Variants in RBFOX1 observed in about 807,000 individuals in gnomAD.
The protein encoded by RBFOX1 is RNA binding fox-1 homolog 1.
RBFOX1 carries 8 observed loss-of-function variants against 57.7 expected under a neutral mutation model. The ratio of observed to expected loss-of-function variants is 0.14; its 90% CI spans 0.08 to 0.25. The LOEUF is 0.25. RBFOX1 is among the 10% of genes least tolerant of loss of function. The pLI is 1.00. For missense variants in RBFOX1, 611 were observed against 548.5 expected, an observed-to-expected ratio of 1.11 and a Z score of -1.14; for synonymous variants, 326 against 222.4, an observed-to-expected ratio of 1.47 and a Z score of -4.15.
chr16:5,598,890 GT>G (rs1363606436), intron 2 of RBFOX1: 1 of 1,495,310 alleles, frequency 6.7e-7, no homozygotes, highest in Non-Finnish European at 8.9e-7. Context: ...CTATTTGTTT[GT>G]TTTTTGCCAG....
intron 1 of RBFOX1, among the ~76,000 whole-genome samples, chr16:6,071,954 C>G (rs12932972): frequency 0.21 from 32,537 of 152,048 alleles, 4,391 homozygotes; most frequent in Non-Finnish European, 0.3. Context: ...TGTATGTATA[C>G]ACGACATTTT....
At chr16:5,936,046 T>C (rs1334484170) in intron 4 of RBFOX1, among the ~76,000 whole-genome samples, 1 of 150,624 alleles carries the variant, frequency 6.6e-6, no homozygotes, top group Non-Finnish European at 1.5e-5. Context: ...TTTTTTTTTA[T>C]GTCAAGAGTG....
At chr16:6,181,210 G>A (rs111315144) in intron 1 of RBFOX1, among the ~76,000 whole-genome samples, 4 of 152,136 alleles carry the variant, frequency 2.6e-5, no homozygotes, top group African/African-American at 4.8e-5. Context: ...GCTGGATATG[G>A]TCACGGCCTT....
At chr16:6,505,604 G>C (rs2096068059) in intron 2 of RBFOX1, among the ~76,000 whole-genome samples, 1 of 152,064 alleles carries the variant, frequency 6.6e-6, no homozygotes. Context: ...GCAGAGATGA[G>C]GTGAAATAAA....
intron 4 of RBFOX1, among the ~76,000 whole-genome samples, chr16:7,181,703 C>T (rs894304132): frequency 5.9e-5 from 9 of 152,096 alleles, no homozygotes; most frequent in Admixed American, 5.9e-4. Context: ...GCTGGGACTA[C>T]AGGTATGCAC....
intron 3 of RBFOX1, among the ~76,000 whole-genome samples, chr16:6,808,503 C>T (rs2087533665): frequency 2.0e-5 from 3 of 152,110 alleles, no homozygotes; most frequent in Admixed American, 2.0e-4. Context: ...AATAAAACAG[C>T]ACCATTACTC....
At chr16:5,670,132 A>C (rs554677292) in intron 3 of RBFOX1, among the ~76,000 whole-genome samples, 18 of 152,306 alleles carry the variant, frequency 1.2e-4, no homozygotes, top group African/African-American at 4.3e-4. Context: ...TAGAGCAGCC[A>C]AATTCATAGC....
intron 4 of RBFOX1, among the ~76,000 whole-genome samples, chr16:7,390,128 T>A (rs2097971516): frequency 6.6e-6 from 1 of 151,984 alleles, no homozygotes; most frequent in African/African-American, 2.4e-5. Context: ...GCTACATACT[T>A]TCAAACAAAC....
chr16:5,944,818 G>A lies in RBFOX1; in HGVS notation c.351+77483G>A, dbSNP rs1162247378. ...AAAAAAAAAAAAAAAAATTAGCTGG[G>A]TGTGGTGTCACACACCTGTAGTCCC... On this transcript the variant is annotated intron_variant, in intron 4 of 19. Transcript: ENST00000641259. Among the ~76,000 whole-genome samples, 11 of 66,176 alleles carry A rather than the reference G, an allele frequency of 1.7e-4. 1 individual carries two copies. The highest frequency in any genetic ancestry group is 1.8e-4 in the Admixed American group (1 of 5,532). 43.4% of individuals were successfully genotyped at this position (66,176 alleles called of 152,430 possible). A position where few individuals can be genotyped will look rare whatever the true frequency, so the allele number is the denominator to read the frequency against.
chr16:5,506,703 G>C (rs2043391499), intron 2 of RBFOX1, among the ~76,000 whole-genome samples: 1 of 152,088 alleles, frequency 6.6e-6, no homozygotes, highest in Admixed American at 6.6e-5. Flanking sequence ...TGAGGTGTGG[G>C]TTACGGCTTC....
chr16:6,606,221 T>C (rs2097923402), intron 2 of RBFOX1, among the ~76,000 whole-genome samples: 2 of 152,120 alleles, frequency 1.3e-5, no homozygotes, highest in South Asian at 4.1e-4. Context: ...GAGGCTAAAA[T>C]AGGAATCCTG....
At chr16:6,117,886 C>A (rs1015719666) in intron 1 of RBFOX1, among the ~76,000 whole-genome samples, 8 of 152,116 alleles carry the variant, frequency 5.3e-5, no homozygotes, top group African/African-American at 1.9e-4. Flanking sequence ...TTCCCACCAC[C>A]ATGATTAAAT....
At chr16:7,262,746 C>G (rs1006191999) in intron 4 of RBFOX1, among the ~76,000 whole-genome samples, 29 of 152,270 alleles carry the variant, frequency 1.9e-4, no homozygotes, top group African/African-American at 6.8e-4. Context: ...GCCCGGCATG[C>G]ATGGATGGCA....
intron 4 of RBFOX1, among the ~76,000 whole-genome samples, chr16:7,161,538 G>C (rs2078320310): frequency 6.6e-6 from 1 of 152,140 alleles, no homozygotes; most frequent in South Asian, 2.1e-4. Flanking sequence ...GATTCAGAAA[G>C]AGAGGTACAT....
intron 1 of RBFOX1, among the ~76,000 whole-genome samples, chr16:5,303,597 C>T (rs938743331): frequency 5.3e-5 from 8 of 152,124 alleles, no homozygotes; most frequent in African/African-American, 1.9e-4. Context: ...TGTTGAGGGG[C>T]TTGATTCCAA....
chr16:7,035,117 G>T (rs532414763), intron 3 of RBFOX1, among the ~76,000 whole-genome samples: 1 of 151,804 alleles, frequency 6.6e-6, no homozygotes, highest in Admixed American at 6.6e-5. Context: ...CAAAGTGCTG[G>T]GATTACAGGT....
At chr16:5,727,745 T>C in intron 3 of RBFOX1, among the ~76,000 whole-genome samples, 1 of 152,300 alleles carries the variant, frequency 6.6e-6, no homozygotes, top group Middle Eastern at 3.4e-3. Flanking sequence ...TTGAGTACAG[T>C]GGTGTTATCA....
rs77165182 is a variant in RBFOX1 at position 7,101,035 on chromosome 16, A to G, written c.27+48937A>G. Among the ~76,000 whole-genome samples the G allele has an allele frequency of 3.7e-3, 564 of 152,342 alleles. 2 individuals carry two copies. The highest frequency in any genetic ancestry group is 0.013 in the African/African-American group (529 of 41,564). ...TGTTGCATACAAGGATATATGGTACAAAGTTACCTATATACACTAAAACAT... is the reference window on the plus strand; with the variant it reads ...TGTTGCATACAAGGATATATGGTACGAAGTTACCTATATACACTAAAACAT... On this transcript the variant is annotated intron_variant, in intron 4 of 15. Transcript: ENST00000550418.
chr16:7,389,185 G>T (rs1000683606), intron 4 of RBFOX1, among the ~76,000 whole-genome samples: 3 of 152,114 alleles, frequency 2.0e-5, no homozygotes, highest in African/African-American at 7.2e-5. Context: ...GAATGCAGTG[G>T]TGTGATCACA....
Sources: allele counts gnomAD v4.1 joint callset (sites outside exome capture counted in the v4.1 genomes callset), GRCh38; gene constraint gnomAD v4.1.1; transcripts MANE v1.5; gene names NCBI Gene and HGNC (gene_info 2026-07-23, HGNC 2026-07-21).